The following ABLIM2 variants were observed in gnomAD, a reference collection of about 807,000 sequenced individuals.
The protein encoded by ABLIM2 is actin-binding LIM protein 2.
Under a neutral mutation model 97.7 loss-of-function variants are expected in ABLIM2, and 53 were observed. That is an observed-to-expected ratio of 0.54 (90% CI 0.44 to 0.68). The LOEUF (loss-of-function observed/expected upper bound fraction) is 0.68, where lower values mean the gene tolerates loss of function less well. Among genes scored for constraint, ABLIM2 ranks in the 30% least tolerant of loss-of-function variants. The pLI is 0.00. For missense variants in ABLIM2, 835 were observed against 867.2 expected, an observed-to-expected ratio of 0.96 and a Z score of 0.47; for synonymous variants, 361 against 345.8, an observed-to-expected ratio of 1.04 and a Z score of -0.49.
At chr4:8,097,463 G>A (rs1027283218) in intron 2 of ABLIM2, among the ~76,000 whole-genome samples, 181 bp from the exon 3 acceptor site, 31 of 152,340 alleles carry the variant, frequency 2.0e-4, no homozygotes, top group African/African-American at 5.8e-4. Flanking sequence ...ACAGACTCCA[G>A]CTCTGGCCCC....
chr4:8,009,881 T>TCACGGCCC (rs1252136958), intron 14 of ABLIM2, among the ~76,000 whole-genome samples: 1 of 152,126 alleles, frequency 6.6e-6, no homozygotes, highest in Non-Finnish European at 1.5e-5. Flanking sequence ...AGGGACATGG[T>TCACGGCCC]ATACCTCGCC....
In ABLIM2 at chr4:8,082,429, T is replaced by A. The variant is rs572063918; in HGVS notation, c.455-1627A>T. The stretch of plus-strand genomic sequence containing the variant: ...AGCCTTGCGCATCCCGGGTGAACAG[T>A]GAGCATCGGCGAGACCCCCTGTGGG... On this transcript the variant is annotated intron_variant, in intron 4 of 20. Coordinates refer to ENST00000447017, the MANE Select transcript of ABLIM2 (RefSeq NM_001130083.2). This position sits in a 1 kb window ranked among gnomAD's most constrained non-coding sequence, Gnocchi z 5.6. Among the ~76,000 whole-genome samples the A allele has an allele frequency of 6.6e-6, 1 of 152,176 alleles. No homozygotes were observed. The highest frequency in any genetic ancestry group is 1.9e-4 in the East Asian group (1 of 5,192).
Position 8,088,274 on chromosome 4 carries a change from G to A in ABLIM2, c.349C>T (p.Pro117Ser). ...TTGAAGGTCACTCGGTCCCCGGGGGGGAAGGGCAGCCTGAAACAAGAGAGC... is the reference window on the plus strand; with the variant it reads ...TTGAAGGTCACTCGGTCCCCGGGGGAGAAGGGCAGCCTGAAACAAGAGAGC... ...FVCAVCRLPF[P>S]PGDRVTFNGK... The change falls in exon 4 of 21, where the codon CCC (proline) becomes TCC (serine). Residue 117 changes from proline (P) to serine (S), a missense_variant. Transcript: ENST00000447017. 2 of 1,612,440 alleles carry A rather than the reference G, an allele frequency of 1.2e-6. No individual in the cohort carries two copies. The highest frequency in any genetic ancestry group is 2.2e-5 in the East Asian group (1 of 44,794).
chr4:8,031,027 C>A (rs1365805990), intron 10 of ABLIM2, among the ~76,000 whole-genome samples: 14 of 152,240 alleles, frequency 9.2e-5, no homozygotes, highest in Admixed American at 8.5e-4. Context: ...ACGGAAGGGG[C>A]TCTGCAGAAG....
In ABLIM2 at chr4:8,032,464, C is replaced by T. The variant is rs1489789623; in HGVS notation, c.1048-2688G>A. Among the ~76,000 whole-genome samples, 1 of 152,134 alleles carries T rather than the reference C, an allele frequency of 6.6e-6. No homozygotes were observed. Among genetic ancestry groups the T allele is most frequent in the Non-Finnish European group, 1.5e-5 (1 of 68,016 alleles). On this transcript the variant is annotated intron_variant, in intron 10 of 20. Coordinates refer to ENST00000447017, the MANE Select transcript of ABLIM2 (RefSeq NM_001130083.2). The surrounding 1 kb of genome is among the most constrained non-coding windows in gnomAD (Gnocchi z 4.3). ...GACATATCGGGGAGGCATGCAAGTG[C>T]GGGGTGATCATAAAAATAACCAGCA...
chr4:8,096,839 A>G (rs751795595), intron 3 of ABLIM2, among the ~76,000 whole-genome samples: 1 of 152,172 alleles, frequency 6.6e-6, no homozygotes, highest in Non-Finnish European at 1.5e-5. Flanking sequence ...CGCAGCCAGC[A>G]CTTGCTGCAT....
In ABLIM2 at chr4:8,036,317, G is replaced by A. The variant is rs763216432; in HGVS notation, c.901-22C>T. 3.1e-6 allele frequency: 5 copies of A among 1,612,026 alleles called. No individual in the cohort carries two copies. The South Asian group carries it at 3.3e-5, about 11-fold the overall frequency. On this transcript the variant is annotated intron_variant, in intron 9 of 20. Coordinates refer to ENST00000447017, the MANE Select transcript of ABLIM2 (RefSeq NM_001130083.2). ...TGGCCTGAGAGGGGAAAGAGAATTG[G>A]GGAGGGGACAGTCACCAGATGCACC...
rs1418257299 is a variant in ABLIM2, at chr4:8,005,597, C to T, written c.1618+2462G>A. On this transcript the variant is annotated intron_variant, in intron 16 of 20. Transcript: ENST00000447017. This position sits in a 1 kb window ranked among gnomAD's most constrained non-coding sequence, Gnocchi z 4.9. ...TCCCTCTCAATCTCCATGTGCTCCC[C>T]TTCCCGCCTGGATTCCTCAGGAGGC... 6.6e-6 allele frequency among the ~76,000 whole-genome samples: 1 copy of T among 152,180 alleles called. No individual in the cohort carries two copies. The highest frequency in any genetic ancestry group is 1.9e-4 in the East Asian group (1 of 5,182).
chr4:8,089,220 G>A (rs908358413), intron 3 of ABLIM2, among the ~76,000 whole-genome samples: 1 of 152,168 alleles, frequency 6.6e-6, no homozygotes, highest in Non-Finnish European at 1.5e-5. Context: ...GAAACTGAGG[G>A]ATGGCTCAAG....
chr4:8,106,483 G>C lies in ABLIM2; in HGVS notation c.154+11C>G. 2 of 1,588,336 alleles carry C rather than the reference G, an allele frequency of 1.3e-6. No individual in the cohort carries two copies. The highest frequency in any genetic ancestry group is 1.7e-6 in the Non-Finnish European group (2 of 1,167,438). On this transcript the variant is annotated intron_variant, in intron 2 of 20. Coordinates refer to ENST00000447017, the MANE Select transcript of ABLIM2 (RefSeq NM_001130083.2). ...CAGGGGCCACACTGCAGGGGACCGG[G>C]GGACACTCACCTTTACAGACGAAGC...
Position 7,992,017 on chromosome 4 carries a change from T to C in ABLIM2, c.1680+849A>G, listed in dbSNP as rs1161079088. Among the ~76,000 whole-genome samples the C allele has an allele frequency of 6.6e-6, 1 of 152,184 alleles. No individual in the cohort carries two copies. The highest frequency in any genetic ancestry group is 2.4e-5 in the African/African-American group (1 of 41,440). On this transcript the variant is annotated intron_variant, in intron 17 of 20. Transcript: ENST00000447017. The surrounding 1 kb of genome is among the most constrained non-coding windows in gnomAD (Gnocchi z 5.7). ...TTGAGAGGTGAATTGCCTCTATTTA[T>C]GAACAAATTTCCAGACTGGGACGAG...
intron 10 of ABLIM2, among the ~76,000 whole-genome samples, chr4:8,031,816 C>T (rs1278846754): frequency 2.0e-5 from 3 of 151,594 alleles, no homozygotes. Context: ...CCTCCGTCTT[C>T]CGGGTTCAAG....
Position 8,005,549 on chromosome 4 carries a change from C to A in ABLIM2, c.1618+2510G>T, listed in dbSNP as rs894361305. ...GCTACTTGGTGACAATCAAAAGAACCCCGAGAGAAAAAAAAGGGTGGCTCC... is the reference window on the plus strand; with the variant it reads ...GCTACTTGGTGACAATCAAAAGAACACCGAGAGAAAAAAAAGGGTGGCTCC... On this transcript the variant is annotated intron_variant, in intron 16 of 20. Coordinates refer to ENST00000447017, the MANE Select transcript of ABLIM2 (RefSeq NM_001130083.2). This position sits in a 1 kb window ranked among gnomAD's most constrained non-coding sequence, Gnocchi z 4.9. The A allele has an allele frequency of 1.0e-5, 5 of 483,502 alleles. No individual in the cohort carries two copies. Among genetic ancestry groups the A allele is most frequent in the Admixed American group, 4.3e-5 (2 of 46,014 alleles). The allele number at this position is 483,502 out of a possible 1,614,324, so 30.0% of individuals were successfully genotyped here.
In ABLIM2 at chr4:8,077,612, G is replaced by T. The variant is rs375660629; in HGVS notation, c.675+16C>A. On this transcript the variant is annotated intron_variant, in intron 6 of 20. Transcript: ENST00000447017. ...CCTAGCTCAGAGCGGGCAGGGGCCC[G>T]GCCCGCCGCGCTTACCTCCAGCACG... 51 of 1,591,126 alleles carry T rather than the reference G, an allele frequency of 3.2e-5. No homozygotes were observed. The highest frequency in any genetic ancestry group is 3.7e-5 in the Non-Finnish European group (43 of 1,167,112).
intron 20 of ABLIM2, among the ~76,000 whole-genome samples, chr4:7,980,938 C>CTTTTTTTTTTTTTTTTTTTTTTT (rs1255215577): frequency 1.8e-4 from 7 of 38,516 alleles, no homozygotes; most frequent in Admixed American, 4.7e-4. Flanking sequence ...TCCACAACCC[C>CTTTTTTTTTTTTTTTTTTTTTTT]TTATTTTTTT....
At chr4:8,157,721 T>G (rs1206183910) in intron 1 of ABLIM2, among the ~76,000 whole-genome samples, 5 of 152,280 alleles carry the variant, frequency 3.3e-5, no homozygotes, top group African/African-American at 1.2e-4. Context: ...CTGCAGTCCC[T>G]GGCGCGACAG....
intron 1 of ABLIM2, among the ~76,000 whole-genome samples, chr4:8,133,866 C>T (rs963749453): frequency 6.6e-6 from 1 of 152,214 alleles, no homozygotes; most frequent in Non-Finnish European, 1.5e-5. Context: ...CCTGCCCACA[C>T]CACAGTCCTG....
At chr4:8,014,754 C>G (rs939481433) in intron 14 of ABLIM2, among the ~76,000 whole-genome samples, 4 of 152,184 alleles carry the variant, frequency 2.6e-5, no homozygotes, top group African/African-American at 9.7e-5. Context: ...GGTTTCTCCT[C>G]TCTTGAGTCA....
In ABLIM2 at chr4:7,966,726, C is replaced by A. The variant is rs1031983699; in HGVS notation, c.*264G>T. On this transcript the variant is annotated 3_prime_UTR_variant, in exon 21 of 21. Transcript: ENST00000447017. Reference sequence around the variant, plus strand: ...AGCCACCTGTGTGCTCCATCTGATGCCCGACACAGCCACTCTACAGCCTCT... The same window carrying A: ...AGCCACCTGTGTGCTCCATCTGATGACCGACACAGCCACTCTACAGCCTCT... The A allele has an allele frequency of 3.9e-5, 18 of 459,564 alleles. No homozygotes were observed. Among genetic ancestry groups the A allele is most frequent in the Non-Finnish European group, 6.7e-5 (17 of 255,468 alleles). The allele number at this position is 459,564 out of a possible 1,614,324, so 28.5% of individuals were successfully genotyped here.
Sources: allele counts gnomAD v4.1 joint callset (sites outside exome capture counted in the v4.1 genomes callset), GRCh38; gene constraint gnomAD v4.1.1; non-coding constraint Gnocchi (gnomAD v3.1); transcripts MANE v1.5; gene names NCBI Gene and HGNC (gene_info 2026-07-23, HGNC 2026-07-21).